SEPTIN8: variants seen among roughly 807,000 people sequenced by gnomAD.
The protein encoded by SEPTIN8 is septin 8, also known as septin-8.
SEPTIN8 carries 22 observed loss-of-function variants against 53.1 expected under a neutral mutation model. The observed-to-expected ratio is 0.41, with a 90% CI of 0.30 to 0.59. SEPTIN8 has a LOEUF of 0.59. Among genes scored for constraint, SEPTIN8 ranks in the 20% least tolerant of loss-of-function variants. SEPTIN8 has a pLI of 0.24. For missense variants in SEPTIN8, 536 were observed against 638.7 expected (o/e 0.84, Z 1.73); for synonymous variants, 228 against 248.4 (o/e 0.92, Z 0.77).
At chr5:132,766,228 G>A (rs1267639160) in intron 1 of SEPTIN8, among the ~76,000 whole-genome samples, 1 of 152,182 alleles carries the variant, frequency 6.6e-6, no homozygotes, top group Non-Finnish European at 1.5e-5. Context: ...CCTCCCTTCT[G>A]CCTCAGTGGT....
At chr5:132,753,692 C>T (rs999456541) in intron 9 of SEPTIN8, 13 of 152,462 alleles carry the variant, frequency 8.5e-5, no homozygotes, top group Non-Finnish European at 1.8e-4. Flanking sequence ...GTATTATAGG[C>T]TAACACCTGT....
intron 1 of SEPTIN8, among the ~76,000 whole-genome samples, chr5:132,766,031 A>G (rs1004494700): frequency 2.0e-5 from 3 of 152,106 alleles, no homozygotes; most frequent in Non-Finnish European, 4.4e-5. Context: ...AACCCCTCAC[A>G]AGCATGCTCC....
chr5:132,761,390 A>G lies in SEPTIN8; in HGVS notation c.962+68T>C. 6.3e-7 allele frequency: 1 copy of G among 1,586,334 alleles called. No individual in the cohort carries two copies. The highest frequency in any genetic ancestry group is 1.7e-4 in the Middle Eastern group (1 of 5,894). On this transcript the variant is annotated intron_variant, in intron 7 of 9. Transcript: ENST00000378719. This position sits in a 1 kb window ranked among gnomAD's most constrained non-coding sequence, Gnocchi z 5.8. ...TAAGAGGATGTGGGGTCCCTCAGGG[A>G]ACAGATGCCAGGGTGGTGTGTCTGG...
chr5:132,757,042 G>A (rs1336301984), intron 9 of SEPTIN8: 1 of 985,360 alleles, frequency 1.0e-6, no homozygotes, highest in Non-Finnish European at 1.2e-6. Context: ...CCCTGGATAT[G>A]CCAGTTTACC....
chr5:132,761,086 C>A lies in SEPTIN8; in HGVS notation c.1095+47G>T. The stretch of plus-strand genomic sequence containing the variant: ...CCCCCACCTCTACCCTCAGCCAGGC[C>A]TTCCCTCCCTCAGCTTCCCCATCCC... On this transcript the variant is annotated intron_variant, in intron 8 of 9. Transcript: ENST00000378719. The surrounding 1 kb of genome is among the most constrained non-coding windows in gnomAD (Gnocchi z 5.8). 1 of 1,416,802 alleles carries A rather than the reference C, an allele frequency of 7.1e-7. No individual in the cohort carries two copies. The highest frequency in any genetic ancestry group is 1.8e-4 in the Middle Eastern group (1 of 5,662). The allele number at this position is 1,416,802 out of a possible 1,614,324, so 87.8% of individuals were successfully genotyped here. A position where few individuals can be genotyped will look rare whatever the true frequency, so the allele number is the denominator to read the frequency against.
intron 9 of SEPTIN8, chr5:132,758,250 G>A: frequency 7.8e-7 from 1 of 1,289,712 alleles, no homozygotes; most frequent in Admixed American, 3.6e-5. Flanking sequence ...CAGGGAATCT[G>A]TGTTACTTAT....
chr5:132,776,997 G>T lies in SEPTIN8; in HGVS notation c.30+111C>A. 1.5e-6 allele frequency: 1 copy of T among 650,444 alleles called. No homozygotes were observed. The highest frequency in any genetic ancestry group is 2.0e-6 in the Non-Finnish European group (1 of 489,570). The allele number at this position is 650,444 out of a possible 1,614,324, so 40.3% of individuals were successfully genotyped here. ...GGTCCTCGAGCTGGCCCGGTGTCGA[G>T]GCCCGGCCGTGAGGCGCTGACAGCC... On this transcript the variant is annotated intron_variant, in intron 1 of 9. Transcript: ENST00000378719. The surrounding 1 kb of genome is among the most constrained non-coding windows in gnomAD (Gnocchi z 4.4).
Position 132,751,924 on chromosome 5 carries a change from T to C in SEPTIN8, c.*92A>G, listed in dbSNP as rs1334222918. The C allele has an allele frequency of 1.3e-6, 2 of 1,559,190 alleles. No individual in the cohort carries two copies. Among genetic ancestry groups the C allele is most frequent in the South Asian group, 1.2e-5 (1 of 84,916 alleles). On this transcript the variant is annotated 3_prime_UTR_variant, in exon 10 of 10. Coordinates refer to ENST00000378719, the MANE Select transcript of SEPTIN8 (RefSeq NM_001098811.2). ...CTTTTGATCATTGATATAGGAAAAG[T>C]ATGGCGTTTTCTGTTCTAACATTAA...
chr5:132,778,493 C>T (rs1231046895), upstream of SEPTIN8, among the ~76,000 whole-genome samples: 1 of 152,188 alleles, frequency 6.6e-6, no homozygotes, highest in Non-Finnish European at 1.5e-5. Flanking sequence ...ACTGACTTCC[C>T]GCTGGACCTT....
Position 132,760,878 on chromosome 5 carries a change from C to T in SEPTIN8, c.1210G>A (p.Ala404Thr). 6.2e-7 allele frequency: 1 copy of T among 1,612,938 alleles called. No individual in the cohort carries two copies. The highest frequency in any genetic ancestry group is 8.5e-7 in the Non-Finnish European group (1 of 1,179,756). ...ETNAFNRRKA[A>T]VEALQSQALH... is the part of the protein sequence containing the mutation. ...GCCTGCGACTGCAGGGCCTCCACCG[C>T]AGCCTTCCGGCGATTGAAGGCGTTG... The change falls in exon 9 of 10, where the codon GCG becomes ACG. Residue 404 changes from alanine to threonine, a missense_variant. By Grantham distance (58) the Ala-to-Thr change is moderately conservative. This residue lies in a region of SEPTIN8 where 133 missense variants were observed against 157.4 expected (regional missense o/e 0.84). Transcript: ENST00000378719. The surrounding 1 kb of genome is among the most constrained non-coding windows in gnomAD (Gnocchi z 5.2).
At chr5:132,762,170 G>T (rs1756047489) in intron 5 of SEPTIN8, among the ~76,000 whole-genome samples, 1 of 152,198 alleles carries the variant, frequency 6.6e-6, no homozygotes, top group Non-Finnish European at 1.5e-5. Flanking sequence ...CTTCCTGAAA[G>T]GACCTGTGAG....
Position 132,760,880 on chromosome 5 carries a change from G to A in SEPTIN8, c.1208C>T (p.Ala403Val), listed in dbSNP as rs765856644. The change falls in exon 9 of 10, where the codon GCT becomes GTT. Residue 403 changes from alanine to valine, a missense_variant. Coordinates refer to ENST00000378719, the MANE Select transcript of SEPTIN8 (RefSeq NM_001098811.2). This position sits in a 1 kb window ranked among gnomAD's most constrained non-coding sequence, Gnocchi z 5.2. ...CTGCGACTGCAGGGCCTCCACCGCA[G>A]CCTTCCGGCGATTGAAGGCGTTGGT... ...EETNAFNRRK[A>V]AVEALQSQAL... 1.2e-6 allele frequency: 2 copies of A among 1,612,226 alleles called. No homozygotes were observed. The highest frequency in any genetic ancestry group is 2.2e-5 in the East Asian group (1 of 44,876).
At chr5:132,757,989 A>AAC in intron 9 of SEPTIN8, 1 of 987,078 alleles carries the variant, frequency 1.0e-6, no homozygotes, top group African/African-American at 1.7e-5. Flanking sequence ...TCAAACACTT[A>AAC]ACACACACAC....
rs558537919 is a variant in SEPTIN8, at chr5:132,759,942, T to G, written c.1286+860A>C. On this transcript the variant is annotated intron_variant, in intron 9 of 9. Coordinates refer to ENST00000378719, the MANE Select transcript of SEPTIN8 (RefSeq NM_001098811.2). ...TGACTCATAGTTGTCCCCACCTGAC[T>G]ACTCCGTTGACTGCACTCCTGGTGC... Among the ~76,000 whole-genome samples, 7 of 152,280 alleles carry G rather than the reference T, an allele frequency of 4.6e-5. No homozygotes were observed. The East Asian group carries it at 1.4e-3, about 29-fold the overall frequency.
At chr5:132,777,322 C>T (rs890194560), upstream of SEPTIN8, 84 of 1,073,334 alleles carry the variant, frequency 7.8e-5, no homozygotes, top group Non-Finnish European at 9.4e-5. This position sits in a 1 kb window ranked among gnomAD's most constrained non-coding sequence, Gnocchi z 4.1. Context: ...CCCCCGCCCG[C>T]GGGACCGGCC....
Position 132,761,835 on chromosome 5 carries a change from A to C in SEPTIN8, c.758T>G (p.Val253Gly). ...TEEVKVGNKLVRARQYPWGVV... is the reference protein window; with the variant it reads ...TEEVKVGNKLGRARQYPWGVV... ...TCCCCAGGGGTACTGCCGTGCTCGG[A>C]CCAGCTTGTTCCCCACCTTCACCTC... The change falls in exon 6 of 10, where the codon GTC (valine) becomes GGC (glycine). Residue 253 changes from valine to glycine, a missense_variant. Transcript: ENST00000378719. This position sits in a 1 kb window ranked among gnomAD's most constrained non-coding sequence, Gnocchi z 5.8. The C allele has an allele frequency of 6.2e-7, 1 of 1,609,082 alleles. No individual in the cohort carries two copies.
intron 9 of SEPTIN8, among the ~76,000 whole-genome samples, chr5:132,759,841 G>GCCTCATCATCC (rs778921490): frequency 9.9e-5 from 15 of 152,160 alleles, no homozygotes; most frequent in Non-Finnish European, 1.6e-4. Context: ...GTGGGCGAGG[G>GCCTCATCATCC]TGAGCCCCAG....
chr5:132,758,608 C>T (rs370098786), intron 9 of SEPTIN8: 133 of 1,602,366 alleles, frequency 8.3e-5, no homozygotes, highest in East Asian at 5.2e-4. Flanking sequence ...ATGGCTTTTA[C>T]GTGTTTGCAT....
rs886627553 is a variant in SEPTIN8, at chr5:132,764,259, G to A, written c.312C>T (p.Ala104=). 13 of 1,613,842 alleles carry A rather than the reference G, an allele frequency of 8.1e-6. No homozygotes were observed. The highest frequency in any genetic ancestry group is 2.2e-5 in the South Asian group (2 of 91,050). ...TATTGATCTGATCCCCAAAGCCCAC[G>A]GCATCCACAATGGTCAGCTTGAGCT... ...NVQLKLTIVD[A]VGFGDQINKD... The change falls in exon 3 of 10, where the codon GCC becomes GCT. Residue 104 remains alanine, a synonymous_variant. Transcript: ENST00000378719.
Sources: allele counts gnomAD v4.1 joint callset (sites outside exome capture counted in the v4.1 genomes callset), GRCh38; gene constraint gnomAD v4.1.1; regional missense constraint gnomAD v4.1.1; non-coding constraint Gnocchi (gnomAD v3.1); transcripts MANE v1.5; gene names NCBI Gene and HGNC (gene_info 2026-07-23, HGNC 2026-07-21).